Variants in CFAP70 observed in about 807,000 individuals in gnomAD.
The protein encoded by CFAP70 is cilia and flagella associated protein 70.
In CFAP70, 81 loss-of-function variants were observed where a neutral mutation model predicts 137.6. That is an observed-to-expected ratio of 0.59 (90% CI 0.49 to 0.71). The LOEUF is 0.71. CFAP70 is among the 30% of genes least tolerant of loss of function. The pLI is 0.00. For synonymous variants in CFAP70, 382 were observed against 423.6 expected (o/e 0.90, Z 1.20); for missense variants, 976 against 1,226.7 (o/e 0.80, Z 3.05).
chr10:73,273,854 G>A (rs1299022012), intron 23 of CFAP70, among the ~76,000 whole-genome samples: 4 of 152,222 alleles, frequency 2.6e-5, no homozygotes, highest in Non-Finnish European at 5.9e-5. Context: ...TTGGCAGAAT[G>A]TTGATAATTG....
intron 5 of CFAP70, among the ~76,000 whole-genome samples, chr10:73,344,098 G>A (rs2053511606): frequency 6.6e-6 from 1 of 152,032 alleles, no homozygotes; most frequent in Non-Finnish European, 1.5e-5. Context: ...CAGTAGCTGG[G>A]ATTACAGGCA....
At chr10:73,321,326 G>A (rs962297630) in intron 9 of CFAP70, among the ~76,000 whole-genome samples, 2 of 152,156 alleles carry the variant, frequency 1.3e-5, no homozygotes, top group Non-Finnish European at 2.9e-5. Flanking sequence ...GCTGAGGCAG[G>A]AGAATTGCTT....
intron 25 of CFAP70, among the ~76,000 whole-genome samples, chr10:73,262,360 G>A (rs1189823902): frequency 2.6e-5 from 4 of 151,918 alleles, no homozygotes; most frequent in South Asian, 2.1e-4. Flanking sequence ...AGCCCTCTCC[G>A]TTATCAGATC....
intron 25 of CFAP70, among the ~76,000 whole-genome samples, chr10:73,257,901 G>A (rs1190759815): frequency 4.0e-5 from 5 of 126,248 alleles, no homozygotes; most frequent in African/African-American, 9.9e-5. Context: ...TTTTTGAGAC[G>A]GAGTCTTGCT....
intron 24 of CFAP70, among the ~76,000 whole-genome samples, chr10:73,270,724 C>T (rs1045845159): frequency 2.0e-5 from 3 of 151,174 alleles, no homozygotes; most frequent in Admixed American, 6.6e-5. Flanking sequence ...TTAGTACAGA[C>T]GGGGTTTCAC....
intron 3 of CFAP70, among the ~76,000 whole-genome samples, chr10:73,350,965 GTATA>G (rs1318414484): frequency 6.7e-6 from 1 of 149,254 alleles, no homozygotes. Context: ...GTATGTGTGT[GTATA>G]TGTATGTGTG....
intron 8 of CFAP70, among the ~76,000 whole-genome samples, chr10:73,329,759 C>G (rs974926932): frequency 3.3e-5 from 5 of 152,090 alleles, no homozygotes; most frequent in African/African-American, 1.2e-4. Context: ...TTATGTGGAC[C>G]AGTGATGACA....
At position 73,272,940 on chromosome 10, in the gene CFAP70, G is replaced by A. The variant is rs556672550; in HGVS notation, c.2913C>T (p.Ile971=). 9.7e-6 allele frequency: 15 copies of A among 1,552,334 alleles called. No homozygotes were observed. The East Asian group carries it at 2.4e-4, about 25-fold the overall frequency. ...TTCATCCTCTTACCCGATAGCAGGC[G>A]ATTCCCAGTCCTAGCCAGGTAAGGC... is the stretch of plus-strand genomic sequence containing the variant. The change falls in exon 24 of 27, where the codon ATC becomes ATT. Residue 971 remains isoleucine (I), a synonymous_variant. Coordinates refer to ENST00000310715, the Ensembl canonical transcript of CFAP70.
rs541464924 is a variant in CFAP70, at chr10:73,271,998, C to T, written c.2925+930G>A. 5.9e-5 allele frequency among the ~76,000 whole-genome samples: 9 copies of T among 152,264 alleles called. No individual in the cohort carries two copies. The South Asian group carries it at 1.7e-3, about 28-fold the overall frequency. ...GGAATTACAGGTGTGAGCCACTGCT[C>T]CTGGCTTCTTCTAAAGTTTCTATAA... On this transcript the variant is annotated intron_variant, in intron 24 of 26. Transcript: ENST00000310715.
chr10:73,336,622 C>T (rs1250072532), intron 6 of CFAP70, among the ~76,000 whole-genome samples: 5 of 135,408 alleles, frequency 3.7e-5, no homozygotes, highest in African/African-American at 1.1e-4. Context: ...CTCGCTCTGT[C>T]GCCCAGGCTG....
chr10:73,286,989 G>A (rs2047769082), intron 19 of CFAP70, among the ~76,000 whole-genome samples: 1 of 152,210 alleles, frequency 6.6e-6, no homozygotes, highest in Non-Finnish European at 1.5e-5. Context: ...TCCCCCTTGG[G>A]TGGGCCAGGT....
chr10:73,331,310 T>C lies in CFAP70; in HGVS notation c.678-34A>G, dbSNP rs759222439. On this transcript the variant is annotated intron_variant, in intron 7 of 26. Coordinates refer to ENST00000310715, the Ensembl canonical transcript of CFAP70. ...CAAGAATCAGTCCATTAGCATTATA[T>C]GCAAAAATAAAGTCAGTATAATTTA... 34 of 1,548,070 alleles carry C rather than the reference T, an allele frequency of 2.2e-5. No homozygotes were observed. In the East Asian group the frequency reaches 4.7e-4, roughly 21 times the overall value.
rs2044199882 is a variant in CFAP70 at position 73,253,920 on chromosome 10, TG to T, written c.*54del. Reference sequence around the variant, plus strand: ...CCAGGCTTCATACGGTAAAACTCTCTGGGAAGGAAAGGAACTCAGAGTCCCA... The same window carrying T: ...CCAGGCTTCATACGGTAAAACTCTCTGGAAGGAAAGGAACTCAGAGTCCCA... On this transcript the variant is annotated 3_prime_UTR_variant, in exon 27 of 27. Coordinates refer to ENST00000310715, the Ensembl canonical transcript of CFAP70. 2.1e-6 allele frequency: 3 copies of T among 1,425,922 alleles called. 1 individual carries two copies. The Admixed American group carries it at 5.2e-5, about 25-fold the overall frequency. 88.3% of individuals were successfully genotyped at this position (1,425,922 alleles called of 1,614,324 possible). A position where few individuals can be genotyped will look rare whatever the true frequency, so the allele number is the denominator to read the frequency against.
chr10:73,321,079 T>G (rs2050809706), intron 9 of CFAP70, among the ~76,000 whole-genome samples: 1 of 152,218 alleles, frequency 6.6e-6, no homozygotes, highest in African/African-American at 2.4e-5. Context: ...TTCAAAAAGT[T>G]TTCATGAATA....
intron 6 of CFAP70, among the ~76,000 whole-genome samples, chr10:73,337,428 G>A (rs1381415965): frequency 6.6e-6 from 1 of 152,186 alleles, no homozygotes; most frequent in East Asian, 1.9e-4. Context: ...AGGTTGCAGT[G>A]AGCTGAGATA....
chr10:73,336,735 G>A (rs1564863923), intron 6 of CFAP70, among the ~76,000 whole-genome samples: 2 of 151,770 alleles, frequency 1.3e-5, no homozygotes, highest in South Asian at 2.1e-4. Flanking sequence ...ACAGGCGCAC[G>A]CCACCACGCC....
At chr10:73,300,758 G>A (rs961121066) in intron 12 of CFAP70, among the ~76,000 whole-genome samples, 5 of 152,322 alleles carry the variant, frequency 3.3e-5, no homozygotes, top group Middle Eastern at 3.4e-3. Flanking sequence ...AGCTACTCAG[G>A]AGGCTGAGAC....
At chr10:73,299,655 T>G in exon 13 of CFAP70, 3 of 1,612,758 alleles carry the variant, frequency 1.9e-6, no homozygotes, top group Non-Finnish European at 2.5e-6. Flanking sequence ...GGAGGAATCA[T>G]TTCCTTGACC....
At chr10:73,289,451 A>G (rs1321738180) in intron 19 of CFAP70, among the ~76,000 whole-genome samples, 1 of 151,680 alleles carries the variant, frequency 6.6e-6, no homozygotes, top group Non-Finnish European at 1.5e-5. Context: ...GGTCCAGCTA[A>G]TTTTTTGTAT....
Sources: gnomAD v4.1 joint callset for allele counts (sites outside exome capture counted in the v4.1 genomes callset) on GRCh38, gnomAD v4.1.1 for gene constraint, MANE v1.5 for transcripts, NCBI Gene and HGNC (gene_info 2026-07-23, HGNC 2026-07-21) for gene names.